The following GCH1 variants were observed in gnomAD, a reference collection of about 807,000 sequenced individuals.
The protein encoded by GCH1 is GTP cyclohydrolase 1, also known as GTP cyclohydrolase I.
In GCH1, 5 loss-of-function variants were observed where a neutral mutation model predicts 25.9. The ratio of observed to expected loss-of-function variants is 0.19; its 90% CI spans 0.10 to 0.41. The LOEUF (loss-of-function observed/expected upper bound fraction) is 0.41, where lower values mean the gene tolerates loss of function less well. Ranked by LOEUF, GCH1 falls within the 10% of genes least tolerant of loss-of-function variation. The probability of loss-of-function intolerance (pLI) is 1.00; values close to 1 mark genes in which losing one functional copy is unlikely to be tolerated. For missense variants in GCH1, 261 were observed against 336.5 expected (o/e 0.78, Z 1.75); for synonymous variants, 159 against 129.6 (o/e 1.23, Z -1.54).
chr14:54,873,304 A>G (rs1347920642), intron 1 of GCH1, among the ~76,000 whole-genome samples: 1 of 152,206 alleles, frequency 6.6e-6, no homozygotes, highest in Non-Finnish European at 1.5e-5. Context: ...AATGAGAACA[A>G]AGACACAACA....
At chr14:54,863,106 T>C (rs1218126287) in intron 2 of GCH1, among the ~76,000 whole-genome samples, 5 of 152,118 alleles carry the variant, frequency 3.3e-5, no homozygotes, top group Non-Finnish European at 1.5e-5. Context: ...TTTGTGATAG[T>C]GCTGCTGTGG....
At chr14:54,869,296 C>A (rs2140080739) in intron 1 of GCH1, among the ~76,000 whole-genome samples, 1 of 152,228 alleles carries the variant, frequency 6.6e-6, no homozygotes, top group Middle Eastern at 3.4e-3. Context: ...GCCTTGGCCC[C>A]CCAAAGTGCT....
intron 1 of GCH1, among the ~76,000 whole-genome samples, chr14:54,880,453 A>AT (rs1491314770): frequency 2.6e-5 from 3 of 116,794 alleles, no homozygotes; most frequent in African/African-American, 1.2e-4. Context: ...TACTCCATAT[A>AT]AATATATACT....
At chr14:54,865,891 G>A (rs2039983168) in intron 1 of GCH1, among the ~76,000 whole-genome samples, 1 of 152,094 alleles carries the variant, frequency 6.6e-6, no homozygotes, top group African/African-American at 2.4e-5. Context: ...CCAGACACCT[G>A]TAAACCTGAC....
At chr14:54,870,829 G>T (rs1004041315) in intron 1 of GCH1, among the ~76,000 whole-genome samples, 1 of 152,250 alleles carries the variant, frequency 6.6e-6, no homozygotes, top group South Asian at 2.1e-4. Context: ...CGAGGCTTGA[G>T]TAGGTAAACA....
Position 54,892,331 on chromosome 14 carries a change from A to T in GCH1, c.343+9990T>A, listed in dbSNP as rs147923760. On this transcript the variant is annotated intron_variant, in intron 1 of 5. Transcript: ENST00000491895. ...GGATAAGGGGAACTACTGTATCTTC[A>T]ATTCTAAGGTTTTCTTGAAATAAGG... Among the ~76,000 whole-genome samples the T allele has an allele frequency of 2.6e-5, 4 of 152,332 alleles. No individual in the cohort carries two copies. In the East Asian group the frequency reaches 7.7e-4, roughly 29 times the overall value.
Position 54,902,472 on chromosome 14 carries a change from G to C in GCH1, c.192C>G (p.Asn64Lys). ...KGERPRSEEDNELNLPNLAAA... is the reference protein window; with the variant it reads ...KGERPRSEEDKELNLPNLAAA... ...CTGCCAGGTTAGGGAGGTTCAGCTC[G>C]TTATCCTCCTCGCTGCGGGGCCGCT... Residue 64 changes from asparagine (N) to lysine (K), a missense_variant, in exon 1 of 6, where the codon AAC becomes AAG. This residue lies in a region of GCH1 where 125 missense variants were observed against 128.7 expected (regional missense o/e 0.97). Transcript: ENST00000491895. 1 of 1,612,192 alleles carries C rather than the reference G, an allele frequency of 6.2e-7. No homozygotes were observed. The highest frequency in any genetic ancestry group is 8.5e-7 in the Non-Finnish European group (1 of 1,179,588).
At position 54,902,805 on chromosome 14, in the gene GCH1, G is replaced by A. The variant is rs777475712; in HGVS notation, c.-142C>T. On this transcript the variant is annotated 5_prime_UTR_variant, in exon 1 of 6. Coordinates refer to ENST00000491895, the MANE Select transcript of GCH1 (RefSeq NM_000161.3). ...ACGCAACCTGCTTAGATCACACTCC[G>A]AGCCGGGAGCGGCCACAGGCTGGAA... 7 of 1,112,906 alleles carry A rather than the reference G, an allele frequency of 6.3e-6. No individual in the cohort carries two copies. Among genetic ancestry groups the A allele is most frequent in the Non-Finnish European group, 8.1e-6 (7 of 869,342 alleles). The allele number at this position is 1,112,906 out of a possible 1,614,324, so 68.9% of individuals were successfully genotyped here.
At chr14:54,899,110 T>C (rs2040525988) in intron 1 of GCH1, among the ~76,000 whole-genome samples, 1 of 152,166 alleles carries the variant, frequency 6.6e-6, no homozygotes, top group African/African-American at 2.4e-5. Flanking sequence ...ATGTGGTCCA[T>C]CATTGAAGGA....
intron 2 of GCH1, among the ~76,000 whole-genome samples, chr14:54,861,628 CAGA>C (rs1357231832): frequency 6.6e-6 from 1 of 151,162 alleles, no homozygotes; most frequent in Non-Finnish European, 1.5e-5. Context: ...GAGGCTGAAG[CAGA>C]AGAATTGCTT....
chr14:54,843,324 T>A lies in GCH1; in HGVS notation c.*693A>T. 7.6e-7 allele frequency: 1 copy of A among 1,313,884 alleles called. No homozygotes were observed. The highest frequency in any genetic ancestry group is 9.7e-7 in the Non-Finnish European group (1 of 1,035,596). The allele number at this position is 1,313,884 out of a possible 1,614,324, so 81.4% of individuals were successfully genotyped here. A position where few individuals can be genotyped will look rare whatever the true frequency, so the allele number is the denominator to read the frequency against. On this transcript the variant is annotated 3_prime_UTR_variant, in exon 6 of 6. Coordinates refer to ENST00000491895, the MANE Select transcript of GCH1 (RefSeq NM_000161.3). ...AGGCACAGAGAGTTAAATGTCTAAA[T>A]CCCTGTATGTTGACACGAGAATACA...
intron 3 of GCH1, among the ~76,000 whole-genome samples, chr14:54,855,043 A>G (rs1449032915): frequency 6.6e-6 from 1 of 152,186 alleles, no homozygotes; most frequent in Admixed American, 6.5e-5. Flanking sequence ...TCACCAGGGT[A>G]CTTTTTTACT....
At chr14:54,861,836 A>G (rs1296395567) in intron 2 of GCH1, among the ~76,000 whole-genome samples, 1 of 152,224 alleles carries the variant, frequency 6.6e-6, no homozygotes, top group Non-Finnish European at 1.5e-5. Context: ...CAGGCTGAGT[A>G]CAGAATCAGT....
chr14:54,886,067 C>A, intron 1 of GCH1: 1 of 193,956 alleles, frequency 5.2e-6, no homozygotes, highest in South Asian at 8.3e-5. Context: ...GCAGTGTACT[C>A]CAGGACCTCT....
At chr14:54,867,271 C>A (rs1471161275) in intron 1 of GCH1, among the ~76,000 whole-genome samples, 1 of 152,114 alleles carries the variant, frequency 6.6e-6, no homozygotes. Flanking sequence ...TTAAAGTCAG[C>A]CCTTCAACTC....
At position 54,843,629 on chromosome 14, in the gene GCH1, A is replaced by G; in HGVS notation, c.*388T>C. 1.3e-6 allele frequency: 2 copies of G among 1,493,944 alleles called. No individual in the cohort carries two copies. The highest frequency in any genetic ancestry group is 1.8e-6 in the Non-Finnish European group (2 of 1,126,160). 92.5% of individuals were successfully genotyped at this position (1,493,944 alleles called of 1,614,324 possible). ...CTACACCACTTTTATTGGAGGAAGA[A>G]AAAAAACAGTATACTGGGCACAGTT... is the stretch of plus-strand genomic sequence containing the variant. On this transcript the variant is annotated 3_prime_UTR_variant, in exon 6 of 6. Coordinates refer to ENST00000491895, the MANE Select transcript of GCH1 (RefSeq NM_000161.3).
At chr14:54,899,772 A>G (rs894480431) in intron 1 of GCH1, among the ~76,000 whole-genome samples, 7 of 152,208 alleles carry the variant, frequency 4.6e-5, no homozygotes, top group African/African-American at 1.7e-4. Context: ...GAAGCTCCAA[A>G]GGAAGCTCCA....
In GCH1 at chr14:54,892,161, A is replaced by G. The variant is rs1467775736; in HGVS notation, c.343+10160T>C. Among the ~76,000 whole-genome samples the G allele has an allele frequency of 2.6e-5, 4 of 152,290 alleles. No individual in the cohort carries two copies. The East Asian group carries it at 5.8e-4, about 22-fold the overall frequency. On this transcript the variant is annotated intron_variant, in intron 1 of 5. Transcript: ENST00000491895. Reference sequence around the variant, plus strand: ...ACTGCAAAAGCTATGGCCACAGCACATGGTAAGTGCTTAGTTAAGATGGAA... The same window carrying G: ...ACTGCAAAAGCTATGGCCACAGCACGTGGTAAGTGCTTAGTTAAGATGGAA...
intron 1 of GCH1, among the ~76,000 whole-genome samples, chr14:54,894,711 G>C (rs907109873): frequency 1.3e-5 from 2 of 151,436 alleles, no homozygotes; most frequent in African/African-American, 4.9e-5. Flanking sequence ...ATTCCACTTA[G>C]ACATGTCCAA....
Sources: allele counts gnomAD v4.1 joint callset (sites outside exome capture counted in the v4.1 genomes callset), GRCh38; gene constraint gnomAD v4.1.1; regional missense constraint gnomAD v4.1.1; transcripts MANE v1.5; gene names NCBI Gene and HGNC (gene_info 2026-07-23, HGNC 2026-07-21).